The following MSRB3 variants were observed in gnomAD, a reference collection of about 807,000 sequenced individuals.
The protein encoded by MSRB3 is methionine-R-sulfoxide reductase B3.
In MSRB3, 13 loss-of-function variants were observed where a neutral mutation model predicts 21.0. That is an observed-to-expected ratio of 0.62 (90% CI 0.40 to 0.98). MSRB3 has a LOEUF of 0.98. Among genes scored for constraint, MSRB3 ranks in the 50% least tolerant of loss-of-function variants. The pLI is 0.00. For synonymous variants in MSRB3, 87 were observed against 88.6 expected (o/e 0.98, Z 0.10); for missense variants, 199 against 230.3 (o/e 0.86, Z 0.88).
Position 65,354,002 on chromosome 12 carries a change from T to C in MSRB3, c.264-14996T>C, listed in dbSNP as rs1592557039. On this transcript the variant is annotated intron_variant, in intron 4 of 6. Transcript: ENST00000308259. ...ACTTATGAAGCTTAGTTTGGCTGGA[T>C]ATGAAATTCTGGGTTGAAAATTCTT... 2.6e-5 allele frequency among the ~76,000 whole-genome samples: 4 copies of C among 152,154 alleles called. No individual in the cohort carries two copies. The South Asian group carries it at 6.2e-4, about 24-fold the overall frequency.
At chr12:65,455,206 A>C (rs1883032862) in intron 6 of MSRB3, among the ~76,000 whole-genome samples, 1 of 150,682 alleles carries the variant, frequency 6.6e-6, no homozygotes, top group African/African-American at 2.4e-5. Flanking sequence ...GAGGGAGGTT[A>C]GTTTGAACCT....
Position 65,308,941 on chromosome 12 carries a change from A to G in MSRB3, c.76+286A>G, listed in dbSNP as rs1314303839. ...AATGCACACTACACATCTGCAAATC[A>G]TAACGTTCATAAGAGGCTGGCAGTC... On this transcript the variant is annotated intron_variant, in intron 2 of 6. Coordinates refer to ENST00000308259, the MANE Select transcript of MSRB3 (RefSeq NM_001031679.3). The G allele has an allele frequency of 1.1e-5, 5 of 462,460 alleles. No homozygotes were observed. In the East Asian group the frequency reaches 2.0e-4, roughly 18 times the overall value. 28.6% of individuals were successfully genotyped at this position (462,460 alleles called of 1,614,324 possible).
rs546707215 is a variant in MSRB3 at position 65,407,032 on chromosome 12, G to T, written c.292+38006G>T. Among the ~76,000 whole-genome samples the T allele has an allele frequency of 8.5e-5, 13 of 152,238 alleles. No homozygotes were observed. In the East Asian group the frequency reaches 2.5e-3, roughly 29 times the overall value. On this transcript the variant is annotated intron_variant, in intron 5 of 6. Coordinates refer to ENST00000308259, the MANE Select transcript of MSRB3 (RefSeq NM_001031679.3). ...TTCTTTATAAAATTATCTGGTCTAA[G>T]ATATTTTGTTATAGCAGTGGGAATG...
intron 2 of MSRB3, 90 bp from the exon 3 acceptor site, chr12:65,326,736 T>A (rs1383462555): frequency 3.2e-6 from 3 of 926,946 alleles, no homozygotes; most frequent in African/African-American, 1.6e-5. Flanking sequence ...GACAAGTGAC[T>A]GCAGAAGCTG....
chr12:65,378,479 G>A (rs1422519584), intron 5 of MSRB3, among the ~76,000 whole-genome samples: 1 of 152,154 alleles, frequency 6.6e-6, no homozygotes, highest in Non-Finnish European at 1.5e-5. Flanking sequence ...GTCAATGATG[G>A]TAGAAGATAA....
rs546272584 is a variant in MSRB3, at chr12:65,340,849, A to G, written c.263+12246A>G. 4.4e-3 allele frequency among the ~76,000 whole-genome samples: 674 copies of G among 152,234 alleles called. 10 individuals carry two copies. The highest frequency in any genetic ancestry group is 0.015 in the African/African-American group (640 of 41,568). Reference sequence around the variant, plus strand: ...ATCTCAGTGAGGTGGGTAATTTTCTAAAAATAAAATAATATACAAAATTTG... The same window carrying G: ...ATCTCAGTGAGGTGGGTAATTTTCTGAAAATAAAATAATATACAAAATTTG... On this transcript the variant is annotated intron_variant, in intron 4 of 6. Transcript: ENST00000308259.
intron 4 of MSRB3, among the ~76,000 whole-genome samples, chr12:65,360,640 G>A (rs1406150669): frequency 6.6e-6 from 1 of 151,838 alleles, no homozygotes; most frequent in South Asian, 2.1e-4. Context: ...GGAATGCAGG[G>A]AAAAAAAGTA....
chr12:65,410,354 T>C (rs1880649093), intron 5 of MSRB3, among the ~76,000 whole-genome samples: 1 of 152,158 alleles, frequency 6.6e-6, no homozygotes, highest in South Asian at 2.1e-4. Flanking sequence ...GCATGGACTT[T>C]GTATTCAAAC....
At position 65,336,948 on chromosome 12, in the gene MSRB3, A is replaced by T. The variant is rs571956497; in HGVS notation, c.263+8345A>T. ...CACCAGTTGGAAACATCGTGTCTTAAAAGTTTTAGCAGAGGCTGGGCGCGG... is the reference window on the plus strand; with the variant it reads ...CACCAGTTGGAAACATCGTGTCTTATAAGTTTTAGCAGAGGCTGGGCGCGG... On this transcript the variant is annotated intron_variant, in intron 4 of 6. Transcript: ENST00000308259. Among the ~76,000 whole-genome samples the T allele has an allele frequency of 6.6e-5, 10 of 152,346 alleles. No individual in the cohort carries two copies. The South Asian group carries it at 8.3e-4, about 13-fold the overall frequency.
At chr12:65,347,569 C>T (rs1017906390) in intron 4 of MSRB3, among the ~76,000 whole-genome samples, 10 of 152,116 alleles carry the variant, frequency 6.6e-5, no homozygotes, top group Non-Finnish European at 1.3e-4. Flanking sequence ...TAGCTGAATA[C>T]CCTCTATTTC....
chr12:65,418,777 G>C (rs905562882), intron 5 of MSRB3: 16 of 963,346 alleles, frequency 1.7e-5, no homozygotes, highest in Non-Finnish European at 2.5e-5. Flanking sequence ...GCCATCCACT[G>C]TCTGGCGGGT....
intron 1 of MSRB3, chr12:65,306,903 A>G (rs1047225444): frequency 2.3e-5 from 23 of 985,768 alleles, no homozygotes; most frequent in African/African-American, 1.0e-4. Context: ...TGGCTTTGAC[A>G]TAAGCCAGAT....
intron 5 of MSRB3, among the ~76,000 whole-genome samples, chr12:65,416,049 A>G (rs1880956578): frequency 6.6e-6 from 1 of 152,234 alleles, no homozygotes; most frequent in Non-Finnish European, 1.5e-5. Context: ...TTCACTATAT[A>G]TACAAAGTGA....
chr12:65,308,228 G>T (rs1193255220), intron 1 of MSRB3, among the ~76,000 whole-genome samples: 1 of 152,178 alleles, frequency 6.6e-6, no homozygotes, highest in East Asian at 1.9e-4. Flanking sequence ...CACATGGTAT[G>T]AACTCAGTAA....
intron 5 of MSRB3, among the ~76,000 whole-genome samples, chr12:65,392,358 T>C (rs1239142800): frequency 6.6e-6 from 1 of 152,218 alleles, no homozygotes; most frequent in Non-Finnish European, 1.5e-5. Flanking sequence ...CTAGCATACT[T>C]CTTGATTATT....
chr12:65,341,487 G>A (rs943844437), intron 4 of MSRB3, among the ~76,000 whole-genome samples: 2 of 151,454 alleles, frequency 1.3e-5, no homozygotes, highest in South Asian at 4.2e-4. Flanking sequence ...AAAACTAAAT[G>A]AGACCTAGAA....
At chr12:65,344,521 A>C (rs563127897) in intron 4 of MSRB3, among the ~76,000 whole-genome samples, 1 of 152,126 alleles carries the variant, frequency 6.6e-6, no homozygotes, top group Non-Finnish European at 1.5e-5. Context: ...CCCTCACTTT[A>C]AAAGGTTTAT....
chr12:65,436,815 A>C (rs1398547988), intron 5 of MSRB3, among the ~76,000 whole-genome samples: 1 of 151,950 alleles, frequency 6.6e-6, no homozygotes, highest in Non-Finnish European at 1.5e-5. Flanking sequence ...GAGCTGCCAC[A>C]GAGATTGTTT....
At chr12:65,341,325 T>C (rs1876125386) in intron 4 of MSRB3, among the ~76,000 whole-genome samples, 2 of 152,124 alleles carry the variant, frequency 1.3e-5, no homozygotes, top group Middle Eastern at 3.4e-3. Flanking sequence ...CATCACATGT[T>C]CTCACTTTTC....
Sources: gnomAD v4.1 joint callset for allele counts (sites outside exome capture counted in the v4.1 genomes callset) on GRCh38, gnomAD v4.1.1 for gene constraint, MANE v1.5 for transcripts, NCBI Gene and HGNC (gene_info 2026-07-23, HGNC 2026-07-21) for gene names.